CDS2: variants seen among roughly 807,000 people sequenced by gnomAD.
CDS2 encodes the protein phosphatidate cytidylyltransferase 2.
In CDS2, 47 loss-of-function variants were observed where a neutral mutation model predicts 59.0. The ratio of observed to expected loss-of-function variants is 0.80; its 90% CI spans 0.63 to 1.02. CDS2 has a LOEUF of 1.02. Ranked by LOEUF, CDS2 falls within the 50% of genes least tolerant of loss-of-function variation. CDS2 has a pLI of 0.00. For synonymous variants in CDS2, 207 were observed against 206.4 expected (o/e 1.00, Z -0.02); for missense variants, 356 against 558.9 (o/e 0.64, Z 3.66).
In CDS2 at chr20:5,182,387, G is replaced by C; in HGVS notation, c.530G>C (p.Gly177Ala). The C allele has an allele frequency of 6.2e-7, 1 of 1,607,754 alleles. No individual in the cohort carries two copies. Among genetic ancestry groups the C allele is most frequent in the Non-Finnish European group, 8.5e-7 (1 of 1,177,338 alleles). ...RFISFTLYLI[G>A]FCMFVLSLVK... ...CTTTTCTCCTCCCACCTCAAACTAGGATTCTGCATGTTTGTACTGAGTCTG... is the reference window on the plus strand; with the variant it reads ...CTTTTCTCCTCCCACCTCAAACTAGCATTCTGCATGTTTGTACTGAGTCTG... The change falls in exon 6 of 13, where the codon GGA (glycine) becomes GCA (alanine). Residue 177 changes from glycine (G) to alanine (A), a missense_variant and splice_region_variant. Transcript: ENST00000460006.
At chr20:5,134,299 T>G (rs1452969758) in intron 1 of CDS2, among the ~76,000 whole-genome samples, 4 of 152,182 alleles carry the variant, frequency 2.6e-5, no homozygotes, top group Admixed American at 6.5e-5. Context: ...TAAGCAGTCA[T>G]TCAGTATTCA....
intron 1 of CDS2, among the ~76,000 whole-genome samples, chr20:5,143,634 T>TC (rs919057668): frequency 6.7e-6 from 1 of 149,054 alleles, no homozygotes; most frequent in African/African-American, 2.5e-5. Flanking sequence ...TTCTTCTTTT[T>TC]TTTTTTTTTT....
rs2091109220 is a variant in CDS2 at position 5,190,890 on chromosome 20, A to G, written c.*656A>G. The G allele has an allele frequency of 6.6e-6, 1 of 152,460 alleles. No homozygotes were observed. The highest frequency in any genetic ancestry group is 2.4e-5 in the African/African-American group (1 of 41,270). 9.4% of individuals were successfully genotyped at this position (152,460 alleles called of 1,614,324 possible). On this transcript the variant is annotated 3_prime_UTR_variant, in exon 13 of 13. Transcript: ENST00000460006. ...TTTCAGAAAGCACGAAAAATTATTT[A>G]TAATAGTCTGGAGAAAAAACACACT...
At chr20:5,173,373 C>T in intron 1 of CDS2, 150 bp from the exon 2 acceptor site, 1 of 801,182 alleles carries the variant, frequency 1.2e-6, no homozygotes. Context: ...AGGATTGCTG[C>T]TAGTCCTGTC....
chr20:5,133,846 G>A (rs747564492), intron 1 of CDS2, among the ~76,000 whole-genome samples: 1 of 151,914 alleles, frequency 6.6e-6, no homozygotes, highest in African/African-American at 2.4e-5. Context: ...TCTAATTCCC[G>A]GTTGTTGTTT....
chr20:5,146,480 C>T (rs1254004347), intron 1 of CDS2, among the ~76,000 whole-genome samples: 6 of 152,188 alleles, frequency 3.9e-5, no homozygotes, highest in Non-Finnish European at 5.9e-5. Context: ...CGTAAGGAGA[C>T]GTGGTTTATC....
At chr20:5,132,228 G>A (rs2090613440) in intron 1 of CDS2, among the ~76,000 whole-genome samples, 1 of 151,856 alleles carries the variant, frequency 6.6e-6, no homozygotes, top group South Asian at 2.1e-4. Flanking sequence ...CTCCCGAGTA[G>A]CTGAGATTAC....
chr20:5,164,741 C>G (rs1284271251), intron 1 of CDS2, among the ~76,000 whole-genome samples: 1 of 152,180 alleles, frequency 6.6e-6, no homozygotes, highest in Non-Finnish European at 1.5e-5. Flanking sequence ...CCGTTGGACT[C>G]CAGTGGGGCT....
chr20:5,180,038 T>C (rs1179962858), intron 5 of CDS2, among the ~76,000 whole-genome samples: 1 of 152,208 alleles, frequency 6.6e-6, no homozygotes, highest in East Asian at 1.9e-4. Context: ...TCAGAGAGTA[T>C]GCTGCAGACC....
Position 5,127,062 on chromosome 20 carries a change from C to G in CDS2, c.-31C>G. On this transcript the variant is annotated 5_prime_UTR_variant, in exon 1 of 13. Transcript: ENST00000460006. ...CCTGCTCCGGCGGCTTCGCTGCTAG[C>G]TCGCGGCGACGTCGGGCCGATTTTC... 6.7e-7 allele frequency: 1 copy of G among 1,488,686 alleles called. No individual in the cohort carries two copies. Among genetic ancestry groups the G allele is most frequent in the South Asian group, 1.3e-5 (1 of 78,240 alleles). The allele number at this position is 1,488,686 out of a possible 1,614,324, so 92.2% of individuals were successfully genotyped here.
Position 5,174,319 on chromosome 20 carries a change from C to T in CDS2, c.194+660C>T, listed in dbSNP as rs187608952. ...AAGGGCGTGGACTTTGCAGCCAGAC[C>T]CTTGGATTCAGATCCCAGCTTTACT... is the stretch of plus-strand genomic sequence containing the variant. On this transcript the variant is annotated intron_variant, in intron 2 of 12. Coordinates refer to ENST00000460006, the MANE Select transcript of CDS2 (RefSeq NM_003818.4). Among the ~76,000 whole-genome samples, 174 of 152,260 alleles carry T rather than the reference C, an allele frequency of 1.1e-3. 1 individual carries two copies. Among genetic ancestry groups the T allele is most frequent in the Non-Finnish European group, 3.2e-4 (22 of 68,030 alleles).
At chr20:5,166,608 A>C (rs1002592019) in intron 1 of CDS2, among the ~76,000 whole-genome samples, 3 of 152,180 alleles carry the variant, frequency 2.0e-5, no homozygotes, top group Non-Finnish European at 4.4e-5. Context: ...GGCAGTTCCT[A>C]AGGAGAAGGT....
At chr20:5,134,403 ATAT>A (rs1470315050) in intron 1 of CDS2, among the ~76,000 whole-genome samples, 25 of 152,096 alleles carry the variant, frequency 1.6e-4, no homozygotes, top group African/African-American at 6.0e-4. Flanking sequence ...GTTCATAAGG[ATAT>A]TATTCAGAAT....
At chr20:5,130,866 T>C (rs573487355) in intron 1 of CDS2, among the ~76,000 whole-genome samples, 60 of 151,228 alleles carry the variant, frequency 4.0e-4, no homozygotes, top group African/African-American at 1.3e-3. Flanking sequence ...ACGAGGCGGG[T>C]GGATCACGAG....
At chr20:5,183,673 G>C (rs368220257) in intron 7 of CDS2, among the ~76,000 whole-genome samples, 1 of 152,152 alleles carries the variant, frequency 6.6e-6, no homozygotes, top group Admixed American at 6.5e-5. Flanking sequence ...AGAGAAGCAG[G>C]AATGATAAAC....
In CDS2 at chr20:5,186,702, T is replaced by G; in HGVS notation, c.844T>G (p.Ser282Ala). 4 of 1,614,120 alleles carry G rather than the reference T, an allele frequency of 2.5e-6. No homozygotes were observed. The highest frequency in any genetic ancestry group is 3.4e-6 in the Non-Finnish European group (4 of 1,180,012). Reference sequence around the variant, plus strand: ...TCCTCCTCAGCTGTCCTATGTGATGTCCGGGTACAGATGCTTTGTCTGCCC... The same window carrying G: ...TCCTCCTCAGCTGTCCTATGTGATGGCCGGGTACAGATGCTTTGTCTGCCC... ...VFGLLLSYVM[S>A]GYRCFVCPVE... is the part of the protein sequence containing the mutation. Residue 282 changes from serine (S) to alanine (A), a missense_variant, in exon 10 of 13, where the codon TCC (serine) becomes GCC (alanine). Around this residue, in one of 5 missense-constraint regions of CDS2, gnomAD observed 88 missense variants for 103.6 expected, o/e 0.85. Transcript: ENST00000460006.
intron 6 of CDS2, 54 bp downstream of exon 6, chr20:5,182,499 C>A: frequency 6.6e-7 from 1 of 1,507,914 alleles, no homozygotes; most frequent in South Asian, 1.2e-5. Context: ...TGAAGTTTTT[C>A]AGGAACTCAA....
At chr20:5,161,088 A>C (rs2090873273) in intron 1 of CDS2, among the ~76,000 whole-genome samples, 1 of 152,106 alleles carries the variant, frequency 6.6e-6, no homozygotes, top group African/African-American at 2.4e-5. Context: ...TTGCTGAGTC[A>C]TGTGGTAATT....
In CDS2 at chr20:5,153,306, A is replaced by G. The variant is rs75933990; in HGVS notation, c.58-20217A>G. 1.1e-4 allele frequency among the ~76,000 whole-genome samples: 17 copies of G among 152,334 alleles called. No homozygotes were observed. The East Asian group carries it at 3.3e-3, about 29-fold the overall frequency. On this transcript the variant is annotated intron_variant, in intron 1 of 12. Transcript: ENST00000460006. The stretch of plus-strand genomic sequence containing the variant: ...CATATGTATAGAGTGCGTACATATC[A>G]TATTTTTACAATGACTTTTCATAAA...
Sources: allele counts gnomAD v4.1 joint callset (sites outside exome capture counted in the v4.1 genomes callset), GRCh38; gene constraint gnomAD v4.1.1; regional missense constraint gnomAD v4.1.1; transcripts MANE v1.5; gene names NCBI Gene and HGNC (gene_info 2026-07-23, HGNC 2026-07-21).